Variants in RAB3GAP1 observed in about 807,000 individuals in gnomAD.
The protein encoded by RAB3GAP1 is RAB3 GTPase activating protein catalytic subunit 1.
In RAB3GAP1, 86 loss-of-function variants were observed where a neutral mutation model predicts 130.7. That is an observed-to-expected ratio of 0.66 (90% CI 0.55 to 0.79). The LOEUF is 0.79. Among genes scored for constraint, RAB3GAP1 ranks in the 30% least tolerant of loss-of-function variants. The pLI is 0.00. For missense variants in RAB3GAP1, 1,029 were observed against 1,169.4 expected, an observed-to-expected ratio of 0.88 and a Z score of 1.75; for synonymous variants, 367 against 401.7, an observed-to-expected ratio of 0.91 and a Z score of 1.03.
At chr2:135,164,774 C>T (rs925174756) in intron 23 of RAB3GAP1, 78 bp downstream of exon 23, 6 of 1,130,032 alleles carry the variant, frequency 5.3e-6, no homozygotes, top group Non-Finnish European at 7.8e-6. Context: ...AGTTCCCACA[C>T]GTGGCTGATC....
chr2:135,119,176 T>G (rs992657674), intron 7 of RAB3GAP1, among the ~76,000 whole-genome samples: 2 of 146,376 alleles, frequency 1.4e-5, no homozygotes, highest in African/African-American at 5.0e-5. Flanking sequence ...TGGCACGATC[T>G]TGGCTCACTG....
At chr2:135,144,714 C>T (rs1691947178) in intron 17 of RAB3GAP1, among the ~76,000 whole-genome samples, 1 of 152,216 alleles carries the variant, frequency 6.6e-6, no homozygotes, top group Non-Finnish European at 1.5e-5. Flanking sequence ...CTTTTGACAA[C>T]TTTTGTTTAT....
chr2:135,084,734 A>G (rs950177130), intron 3 of RAB3GAP1, among the ~76,000 whole-genome samples: 3 of 152,166 alleles, frequency 2.0e-5, no homozygotes, highest in African/African-American at 7.2e-5. Context: ...CCCTAAATAC[A>G]TATTAAGCAT....
chr2:135,172,622 A>T (rs1192335319), downstream of RAB3GAP1, among the ~76,000 whole-genome samples: 1 of 152,134 alleles, frequency 6.6e-6, no homozygotes, highest in Admixed American at 6.5e-5. Flanking sequence ...TTACAAATGG[A>T]TTCAGTGAGG....
intron 11 of RAB3GAP1, among the ~76,000 whole-genome samples, chr2:135,129,465 T>A (rs1029746641): frequency 1.3e-4 from 20 of 149,712 alleles, no homozygotes; most frequent in South Asian, 1.1e-3. Flanking sequence ...AAAAAAAAAA[T>A]AAAATAAATA....
chr2:135,079,623 T>A (rs1299291554), intron 3 of RAB3GAP1, among the ~76,000 whole-genome samples: 3 of 152,244 alleles, frequency 2.0e-5, no homozygotes, highest in African/African-American at 7.2e-5. Context: ...CTGTTCTTTC[T>A]TATCAGTTTT....
rs373856321 is a variant in RAB3GAP1 at position 135,113,139 on chromosome 2, T to A, written c.363-12T>A. 5 of 1,614,066 alleles carry A rather than the reference T, an allele frequency of 3.1e-6. No homozygotes were observed. In the African/African-American group the frequency reaches 6.7e-5, roughly 22 times the overall value. ...GTTTCCCCTGTTTAATGCAGTTAATTCTTTTTTTAAGGTATGGGCTACGTG... is the reference window on the plus strand; with the variant it reads ...GTTTCCCCTGTTTAATGCAGTTAATACTTTTTTTAAGGTATGGGCTACGTG... On this transcript the variant is annotated splice_polypyrimidine_tract_variant and intron_variant, in intron 5 of 23. Transcript: ENST00000264158.
intron 3 of RAB3GAP1, among the ~76,000 whole-genome samples, chr2:135,060,148 T>C (rs571843588): frequency 6.6e-6 from 1 of 152,286 alleles, no homozygotes; most frequent in African/African-American, 2.4e-5. Flanking sequence ...TGCCATTTCT[T>C]GTTTGAGTGG....
intron 3 of RAB3GAP1, among the ~76,000 whole-genome samples, chr2:135,089,217 T>G (rs1038459806): frequency 1.3e-5 from 2 of 152,042 alleles, no homozygotes; most frequent in African/African-American, 4.8e-5. Flanking sequence ...GTCGTGTTAT[T>G]TCTGACGCCT....
chr2:135,110,413 G>A (rs538977194), intron 5 of RAB3GAP1, among the ~76,000 whole-genome samples: 28 of 152,304 alleles, frequency 1.8e-4, no homozygotes, highest in Non-Finnish European at 3.5e-4. Flanking sequence ...GGCATTACAG[G>A]TGTGAGCCAC....
chr2:135,150,695 A>G (rs1692149479), intron 18 of RAB3GAP1, among the ~76,000 whole-genome samples, 189 bp downstream of exon 18: 2 of 152,226 alleles, frequency 1.3e-5, no homozygotes, highest in Admixed American at 6.5e-5. Flanking sequence ...TAAGTTTTAA[A>G]AAAGCAAAGA....
intron 5 of RAB3GAP1, among the ~76,000 whole-genome samples, chr2:135,106,160 G>A (rs1017522592): frequency 2.0e-5 from 3 of 151,638 alleles, no homozygotes; most frequent in Non-Finnish European, 4.4e-5. Context: ...CCGTCCGGCC[G>A]CCGCCCCGTC....
intron 5 of RAB3GAP1, among the ~76,000 whole-genome samples, chr2:135,107,859 C>G (rs1393451455): frequency 6.6e-6 from 1 of 151,396 alleles, no homozygotes; most frequent in Non-Finnish European, 1.5e-5. Flanking sequence ...CCTGTAATCC[C>G]AGCTACTCAG....
intron 3 of RAB3GAP1, among the ~76,000 whole-genome samples, chr2:135,089,293 G>A (rs1256172040): frequency 1.3e-5 from 2 of 152,054 alleles, no homozygotes; most frequent in African/African-American, 4.8e-5. Context: ...GGTTACTGTA[G>A]CCTTGTAATG....
At chr2:135,157,792 A>G (rs1414338261) in intron 19 of RAB3GAP1, among the ~76,000 whole-genome samples, 1 of 149,404 alleles carries the variant, frequency 6.7e-6, no homozygotes, top group Non-Finnish European at 1.5e-5. Flanking sequence ...AGATCGTGTC[A>G]CTGCACTCCA....
At chr2:135,121,090 A>G (rs1691185010) in intron 8 of RAB3GAP1, among the ~76,000 whole-genome samples, 172 bp downstream of exon 8, 1 of 152,214 alleles carries the variant, frequency 6.6e-6, no homozygotes, top group Admixed American at 6.5e-5. Flanking sequence ...TTTCTCTTGA[A>G]GAAAAACTGT....
intron 18 of RAB3GAP1, among the ~76,000 whole-genome samples, chr2:135,152,689 A>T (rs1692209417): frequency 6.6e-6 from 1 of 152,178 alleles, no homozygotes; most frequent in East Asian, 1.9e-4. Context: ...GGTATATCCT[A>T]AGATGGTAGG....
chr2:135,071,093 C>T (rs539951256), intron 3 of RAB3GAP1, among the ~76,000 whole-genome samples: 4 of 152,246 alleles, frequency 2.6e-5, no homozygotes, highest in African/African-American at 9.6e-5. Flanking sequence ...TGTGTGGAAG[C>T]CACAGTTTAT....
intron 5 of RAB3GAP1, among the ~76,000 whole-genome samples, chr2:135,100,409 C>G (rs1039529081): frequency 6.6e-6 from 1 of 152,226 alleles, no homozygotes; most frequent in Admixed American, 6.5e-5. Context: ...CTTCTATGCT[C>G]GCTTTTGCCT....
Sources: gnomAD v4.1 joint callset for allele counts (sites outside exome capture counted in the v4.1 genomes callset) on GRCh38, gnomAD v4.1.1 for gene constraint, MANE v1.5 for transcripts, NCBI Gene and HGNC (gene_info 2026-07-23, HGNC 2026-07-21) for gene names.